The following LYRM4 variants were observed in gnomAD, a reference collection of about 807,000 sequenced individuals.
The protein encoded by LYRM4 is LYR motif containing 4.
A neutral mutation model predicts 11.7 loss-of-function variants in LYRM4; 9 were observed. The observed-to-expected ratio is 0.77, with a 90% CI of 0.46 to 1.34. The LOEUF (loss-of-function observed/expected upper bound fraction) is 1.34. Among genes scored for constraint, LYRM4 ranks in the 40% most tolerant of loss-of-function variants. The probability of loss-of-function intolerance (pLI) is 0.00; values close to 1 mark genes in which losing one functional copy is unlikely to be tolerated. For missense variants in LYRM4, 133 were observed against 112.5 expected, an observed-to-expected ratio of 1.18 and a Z score of -0.82; for synonymous variants, 42 against 40.4, an observed-to-expected ratio of 1.04 and a Z score of -0.15.
chr6:5,148,425 CTG>C (rs1274409149), intron 2 of LYRM4: 2 of 157,350 alleles, frequency 1.3e-5, no homozygotes, highest in African/African-American at 4.8e-5. Flanking sequence ...ACTTCCCGTG[CTG>C]TGTGGGGAGA....
At chr6:5,111,925 A>G (rs1762898819) in intron 2 of LYRM4, among the ~76,000 whole-genome samples, 1 of 152,174 alleles carries the variant, frequency 6.6e-6, no homozygotes, top group African/African-American at 2.4e-5. Context: ...GGCCCTCAAC[A>G]AAGCTGGCCA....
At chr6:5,035,273 C>G in the LYRM4 span, among the ~76,000 whole-genome samples, 2 of 152,032 alleles carry the variant, frequency 1.3e-5, no homozygotes, top group Non-Finnish European at 2.9e-5. Context: ...ATTGAACTCT[C>G]TGTAGTTGCC....
At chr6:5,073,873 G>A in the LYRM4 span, among the ~76,000 whole-genome samples, 1 of 152,138 alleles carries the variant, frequency 6.6e-6, no homozygotes, top group Non-Finnish European at 1.5e-5. Flanking sequence ...TGGGTAATAT[G>A]GAAGTGAACA....
chr6:5,088,982 T>C, the LYRM4 span: 1 of 152,212 alleles, frequency 6.6e-6, no homozygotes, highest in Non-Finnish European at 1.5e-5. Context: ...TCTTACACAA[T>C]GGAAGTATTT....
chr6:5,256,603 T>C (rs1406403790), intron 1 of LYRM4, among the ~76,000 whole-genome samples: 5 of 150,968 alleles, frequency 3.3e-5, no homozygotes, highest in African/African-American at 9.8e-5. Context: ...ATGACTCTCA[T>C]TTTATAAAGA....
chr6:5,116,927 C>G (rs112638236), intron 2 of LYRM4, among the ~76,000 whole-genome samples: 3 of 152,316 alleles, frequency 2.0e-5, no homozygotes, highest in Admixed American at 6.5e-5. Flanking sequence ...CAGCCATCCC[C>G]GCAACACATC....
At chr6:5,099,087 C>T (rs1193712426), downstream of LYRM4, among the ~76,000 whole-genome samples, 5 of 152,120 alleles carry the variant, frequency 3.3e-5, no homozygotes, top group African/African-American at 7.2e-5. The surrounding 1 kb of genome is among the most constrained non-coding windows in gnomAD (Gnocchi z 4.3). Context: ...GGGTGGGTCA[C>T]GGCTTTCTTG....
chr6:5,120,891 C>T (rs1490605455), intron 2 of LYRM4, among the ~76,000 whole-genome samples: 4 of 152,168 alleles, frequency 2.6e-5, no homozygotes, highest in African/African-American at 7.2e-5. Context: ...AGTCCCCACT[C>T]GACCCAGGAA....
At chr6:5,220,168 C>G (rs1762503440) in intron 1 of LYRM4, among the ~76,000 whole-genome samples, 1 of 152,184 alleles carries the variant, frequency 6.6e-6, no homozygotes, top group African/African-American at 2.4e-5. Flanking sequence ...GATTCTTCCA[C>G]TCAAAACTCC....
the LYRM4 span, among the ~76,000 whole-genome samples, chr6:5,082,260 C>T: frequency 1.3e-5 from 2 of 152,186 alleles, no homozygotes; most frequent in African/African-American, 2.4e-5. Flanking sequence ...TGGAGACAGA[C>T]ACTAGCTCCA....
At chr6:5,201,827 A>T (rs1298787859) in intron 2 of LYRM4, among the ~76,000 whole-genome samples, 1 of 152,110 alleles carries the variant, frequency 6.6e-6, no homozygotes, top group East Asian at 1.9e-4. Flanking sequence ...AATGCAATTA[A>T]AGGATCCTAT....
intron 2 of LYRM4, among the ~76,000 whole-genome samples, chr6:5,161,176 TTAAA>T (rs1474165680): frequency 6.6e-6 from 1 of 152,182 alleles, no homozygotes; most frequent in Non-Finnish European, 1.5e-5. Flanking sequence ...ATTTTTAAAA[TTAAA>T]TAACAATATT....
the LYRM4 span, among the ~76,000 whole-genome samples, chr6:5,067,547 A>G: frequency 1.3e-5 from 2 of 152,196 alleles, no homozygotes; most frequent in Admixed American, 1.3e-4. Flanking sequence ...GGGAGTGCTC[A>G]GTGTCTTTTG....
chr6:5,175,836 G>A (rs1759682583), intron 2 of LYRM4, among the ~76,000 whole-genome samples: 1 of 152,122 alleles, frequency 6.6e-6, no homozygotes, highest in Non-Finnish European at 1.5e-5. Flanking sequence ...ACTGCTCTGA[G>A]GCTACCACGA....
the LYRM4 span, among the ~76,000 whole-genome samples, chr6:5,056,320 G>C: frequency 6.6e-6 from 1 of 152,192 alleles, no homozygotes; most frequent in Non-Finnish European, 1.5e-5. Context: ...AAAGGAAAGA[G>C]TGTCTTTAAT....
intron 2 of LYRM4, among the ~76,000 whole-genome samples, chr6:5,160,412 G>A (rs1314055217): frequency 1.3e-5 from 2 of 152,118 alleles, no homozygotes; most frequent in Admixed American, 6.6e-5. Context: ...CACGTGTGGT[G>A]GGAGGGACCT....
At chr6:5,218,095 T>C (rs1292079869) in intron 1 of LYRM4, 10 of 326,616 alleles carry the variant, frequency 3.1e-5, no homozygotes, top group Non-Finnish European at 4.4e-5. Flanking sequence ...TTTTGGGGGA[T>C]GGGGACTTGC....
In LYRM4 at chr6:5,164,387, A is replaced by T. The variant is rs540200792; in HGVS notation, c.207+52231T>A. ...AACCATGAAAAAACATACAGCTCTG[A>T]GGATGAACTGTCCACATCTACATGC... On this transcript the variant is annotated intron_variant, in intron 2 of 2. Coordinates refer to ENST00000330636, the MANE Select transcript of LYRM4 (RefSeq NM_020408.6). Among the ~76,000 whole-genome samples, 4 of 152,366 alleles carry T rather than the reference A, an allele frequency of 2.6e-5. No homozygotes were observed. In the South Asian group the frequency reaches 8.3e-4, roughly 32 times the overall value.
At chr6:5,123,830 C>A (rs948430493) in intron 2 of LYRM4, among the ~76,000 whole-genome samples, 1 of 152,206 alleles carries the variant, frequency 6.6e-6, no homozygotes, top group African/African-American at 2.4e-5. Flanking sequence ...TCTGTGGTGA[C>A]AGGCCACCAT....
Sources: allele counts gnomAD v4.1 joint callset (sites outside exome capture counted in the v4.1 genomes callset), GRCh38; gene constraint gnomAD v4.1.1; non-coding constraint Gnocchi (gnomAD v3.1); transcripts MANE v1.5; gene names NCBI Gene and HGNC (gene_info 2026-07-23, HGNC 2026-07-21).